Variants in FBXL17 observed in about 807,000 individuals in gnomAD.
FBXL17 encodes the protein F-box/LRR-repeat protein 17.
A neutral mutation model predicts 66.2 loss-of-function variants in FBXL17; 22 were observed. That is an observed-to-expected ratio of 0.33 (90% CI 0.24 to 0.47). The LOEUF (loss-of-function observed/expected upper bound fraction) is 0.47. FBXL17 is among the 20% of genes least tolerant of loss of function. The probability of loss-of-function intolerance (pLI) is 1.00; values close to 1 mark genes in which losing one functional copy is unlikely to be tolerated. For synonymous variants in FBXL17, 474 were observed against 400.5 expected (o/e 1.18, Z -2.19); for missense variants, 878 against 948.2 (o/e 0.93, Z 0.97).
chr5:108,293,626 A>C (rs1473189868), intron 4 of FBXL17, among the ~76,000 whole-genome samples: 2 of 152,190 alleles, frequency 1.3e-5, no homozygotes, highest in Admixed American at 6.5e-5. Context: ...ATCACGGTAT[A>C]TTTTATAATC....
At chr5:108,179,336 T>C (rs748512803) in intron 6 of FBXL17, among the ~76,000 whole-genome samples, 7 of 152,166 alleles carry the variant, frequency 4.6e-5, no homozygotes, top group African/African-American at 1.2e-4. Flanking sequence ...GAGTTTTACA[T>C]GAGCCAAGGT....
intron 1 of FBXL17, among the ~76,000 whole-genome samples, chr5:108,373,916 T>C (rs1749239360): frequency 6.6e-6 from 1 of 152,062 alleles, no homozygotes; most frequent in African/African-American, 2.4e-5. Flanking sequence ...AGACCCTGTC[T>C]CAAAAAGAAA....
chr5:107,972,661 T>C (rs185194031), intron 7 of FBXL17, among the ~76,000 whole-genome samples: 37 of 152,320 alleles, frequency 2.4e-4, no homozygotes, highest in African/African-American at 8.4e-4. Flanking sequence ...ATTCTTATGA[T>C]AAGTATACTA....
chr5:108,086,495 TTAAA>T (rs1280999586), intron 6 of FBXL17, among the ~76,000 whole-genome samples: 2 of 152,220 alleles, frequency 1.3e-5, no homozygotes, highest in Non-Finnish European at 2.9e-5. Flanking sequence ...AAAGCATTAA[TTAAA>T]TAAATTTGTT....
At chr5:108,299,408 T>C in intron 4 of FBXL17, 3 of 970,316 alleles carry the variant, frequency 3.1e-6, no homozygotes, top group Non-Finnish European at 3.7e-6. Context: ...CAAGTTTACA[T>C]TACACAAATA....
At chr5:108,370,161 A>G (rs1349844866) in intron 1 of FBXL17, among the ~76,000 whole-genome samples, 1 of 152,230 alleles carries the variant, frequency 6.6e-6, no homozygotes, top group Non-Finnish European at 1.5e-5. Flanking sequence ...GAGAACATGC[A>G]AACTCTACAT....
At chr5:108,291,904 C>T (rs1237291331) in intron 4 of FBXL17, among the ~76,000 whole-genome samples, 1 of 152,072 alleles carries the variant, frequency 6.6e-6, no homozygotes, top group Non-Finnish European at 1.5e-5. Flanking sequence ...CCTTAATACC[C>T]TCTCTCCTCT....
In FBXL17 at chr5:108,365,053, A is replaced by G. The variant is rs1293392523; in HGVS notation, c.1117-58T>C. 1.7e-5 allele frequency: 21 copies of G among 1,258,728 alleles called. No individual in the cohort carries two copies. In the African/African-American group the frequency reaches 2.4e-4, roughly 15 times the overall value. The allele number at this position is 1,258,728 out of a possible 1,614,324, so 78.0% of individuals were successfully genotyped here. On this transcript the variant is annotated intron_variant, in intron 2 of 8. Transcript: ENST00000542267. ...TGCTAAAAATAAAAACGTATTTTCC[A>G]TTTTTTAATTAAATGTTCCACAATA...
chr5:108,060,928 G>C (rs371907586), intron 6 of FBXL17, among the ~76,000 whole-genome samples: 29 of 152,030 alleles, frequency 1.9e-4, no homozygotes, highest in African/African-American at 6.5e-4. Context: ...TGTAATGCAG[G>C]GGGAGAACCA....
At chr5:108,194,885 C>T (rs1350926645) in intron 5 of FBXL17, among the ~76,000 whole-genome samples, 2 of 152,100 alleles carry the variant, frequency 1.3e-5, no homozygotes, top group Admixed American at 1.3e-4. Context: ...AAAAAGATAC[C>T]CAGTTGATCT....
intron 6 of FBXL17, among the ~76,000 whole-genome samples, chr5:108,046,247 C>G (rs1317554626): frequency 6.6e-6 from 1 of 152,116 alleles, no homozygotes. Flanking sequence ...TATACTTTAT[C>G]TGATGTTAAT....
At chr5:107,977,994 T>C (rs1324635132) in intron 7 of FBXL17, among the ~76,000 whole-genome samples, 1 of 152,184 alleles carries the variant, frequency 6.6e-6, no homozygotes, top group African/African-American at 2.4e-5. Context: ...TCTAACTTTA[T>C]GAAGCATGAT....
intron 4 of FBXL17, among the ~76,000 whole-genome samples, chr5:108,259,422 G>A (rs757541709): frequency 2.2e-4 from 34 of 152,164 alleles, no homozygotes; most frequent in Admixed American, 1.0e-3. Flanking sequence ...TATCCTCAAT[G>A]TAGCTGTAGT....
intron 6 of FBXL17, among the ~76,000 whole-genome samples, chr5:108,022,523 A>G (rs1313028869): frequency 2.0e-5 from 3 of 152,050 alleles, no homozygotes; most frequent in African/African-American, 7.2e-5. Flanking sequence ...AATCAAATAT[A>G]CATATCTCAC....
intron 7 of FBXL17, among the ~76,000 whole-genome samples, chr5:107,956,121 T>C (rs556656424): frequency 2.0e-5 from 3 of 152,284 alleles, no homozygotes; most frequent in South Asian, 4.2e-4. Flanking sequence ...CAATTTCTTT[T>C]TCCTTCAAGT....
At chr5:108,317,642 TA>T (rs965809816) in intron 4 of FBXL17, among the ~76,000 whole-genome samples, 39 of 150,640 alleles carry the variant, frequency 2.6e-4, no homozygotes, top group Admixed American at 4.7e-4. Flanking sequence ...GTAAGTACAA[TA>T]AAAAAAAATT....
chr5:108,060,248 T>C (rs1170994080), intron 6 of FBXL17, among the ~76,000 whole-genome samples: 2 of 152,004 alleles, frequency 1.3e-5, no homozygotes, highest in Non-Finnish European at 1.5e-5. Flanking sequence ...CTTCACACTA[T>C]TTTTCAGCTA....
At chr5:108,049,271 T>C (rs1561385228) in intron 6 of FBXL17, among the ~76,000 whole-genome samples, 1 of 151,796 alleles carries the variant, frequency 6.6e-6, no homozygotes, top group African/African-American at 2.4e-5. Context: ...GCCTCCCAAG[T>C]AGATGGGATT....
At chr5:108,186,775 GA>G (rs374009151) in intron 5 of FBXL17, among the ~76,000 whole-genome samples, 983 of 82,992 alleles carry the variant, frequency 0.012, 2 homozygotes, top group Non-Finnish European at 0.019. Flanking sequence ...ATCAAAAAAA[GA>G]AAAAAAAAAA....
Sources: gnomAD v4.1 joint callset for allele counts (sites outside exome capture counted in the v4.1 genomes callset) on GRCh38, gnomAD v4.1.1 for gene constraint, MANE v1.5 for transcripts, NCBI Gene and HGNC (gene_info 2026-07-23, HGNC 2026-07-21) for gene names.